TACR3: variants seen among roughly 807,000 people sequenced by gnomAD.
TACR3 encodes the protein tachykinin receptor 3, also known as neuromedin-K receptor.
Under a neutral mutation model 35.0 loss-of-function variants are expected in TACR3, and 34 were observed. The ratio of observed to expected loss-of-function variants is 0.97; its 90% CI spans 0.74 to 1.30. The LOEUF (loss-of-function observed/expected upper bound fraction) is 1.30, where lower values mean the gene tolerates loss of function less well. Ranked by LOEUF, TACR3 falls within the 50% of genes most tolerant of loss-of-function variation. The pLI is 0.00. For synonymous variants in TACR3, 233 were observed against 221.1 expected (o/e 1.05, Z -0.48); for missense variants, 558 against 591.7 (o/e 0.94, Z 0.59).
At chr4:103,621,608 G>A (rs1724783702) in intron 3 of TACR3, among the ~76,000 whole-genome samples, 1 of 152,136 alleles carries the variant, frequency 6.6e-6, no homozygotes, top group Non-Finnish European at 1.5e-5. Context: ...TAATTTGAAG[G>A]TCCTTGTCAT....
chr4:103,593,503 G>T (rs1406826426), intron 3 of TACR3: 1 of 152,102 alleles, frequency 6.6e-6, no homozygotes, highest in Non-Finnish European at 1.5e-5. Flanking sequence ...TTGTAATAAA[G>T]AATGACTCAA....
At chr4:103,672,951 T>C (rs948881059) in intron 1 of TACR3, among the ~76,000 whole-genome samples, 2 of 152,232 alleles carry the variant, frequency 1.3e-5, no homozygotes, top group Non-Finnish European at 2.9e-5. Context: ...TGCACTTTTA[T>C]GTTATGGAGA....
chr4:103,615,702 T>C (rs1724641600), intron 3 of TACR3, among the ~76,000 whole-genome samples: 1 of 152,110 alleles, frequency 6.6e-6, no homozygotes, highest in Admixed American at 6.5e-5. Context: ...TAAAACTTAA[T>C]AAAATATGTT....
intron 1 of TACR3, among the ~76,000 whole-genome samples, chr4:103,688,092 C>A (rs1340633929): frequency 1.3e-5 from 2 of 152,134 alleles, no homozygotes; most frequent in East Asian, 3.9e-4. Context: ...GAAATAATGC[C>A]GCATATCTAC....
intron 3 of TACR3, among the ~76,000 whole-genome samples, chr4:103,617,497 G>A (rs978604205): frequency 1.3e-5 from 2 of 151,974 alleles, no homozygotes; most frequent in Non-Finnish European, 2.9e-5. Context: ...ATTACTAGAA[G>A]AAAAAAATTA....
intron 1 of TACR3, among the ~76,000 whole-genome samples, chr4:103,673,356 C>G (rs1726092561): frequency 6.6e-6 from 1 of 152,158 alleles, no homozygotes; most frequent in African/African-American, 2.4e-5. Flanking sequence ...GACATTGTGA[C>G]TCTTTCATTT....
In TACR3 at chr4:103,589,914, G is replaced by GTC; in HGVS notation, c.1164_1165dup (p.Thr389ArgfsTer16). On this transcript the variant is annotated frameshift_variant, in exon 5 of 5. Coordinates refer to ENST00000304883, the MANE Select transcript of TACR3 (RefSeq NM_001059.3). LOFTEE classifies it low-confidence loss of function (END_TRUNC). Reference sequence around the variant, plus strand: ...TTGCCGGTTTGGATGAAACCTGGTGGTCTTGAGCTCTAGCTCATCATAGCT... The same window carrying GTC: ...TTGCCGGTTTGGATGAAACCTGGTGGTCTCTTGAGCTCTAGCTCATCATAGCT... The GTC allele has an allele frequency of 1.2e-6, 2 of 1,614,000 alleles. No homozygotes were observed. The highest frequency in any genetic ancestry group is 2.2e-5 in the South Asian group (2 of 91,090).
intron 1 of TACR3, among the ~76,000 whole-genome samples, chr4:103,714,606 TTCA>T (rs1192090460): frequency 1.1e-4 from 17 of 152,272 alleles, no homozygotes; most frequent in African/African-American, 4.1e-4. Context: ...GGCTAAAAAG[TTCA>T]TCATTTGCGG....
chr4:103,597,931 A>G (rs1432856900), intron 3 of TACR3, among the ~76,000 whole-genome samples: 1 of 152,182 alleles, frequency 6.6e-6, no homozygotes, highest in African/African-American at 2.4e-5. Context: ...ATGTGTCTTT[A>G]TAACAGCATG....
chr4:103,621,202 C>T (rs972908693), intron 3 of TACR3, among the ~76,000 whole-genome samples: 5 of 152,136 alleles, frequency 3.3e-5, no homozygotes, highest in African/African-American at 9.7e-5. Flanking sequence ...AATTGAAAAG[C>T]AGTGGGGGAA....
At chr4:103,603,125 C>T (rs528055961) in intron 3 of TACR3, among the ~76,000 whole-genome samples, 7 of 152,326 alleles carry the variant, frequency 4.6e-5, no homozygotes, top group African/African-American at 1.7e-4. Context: ...CTCGCTGCCA[C>T]CTTGCAGTTT....
At chr4:103,598,531 G>T (rs1317066602) in intron 3 of TACR3, among the ~76,000 whole-genome samples, 1 of 152,094 alleles carries the variant, frequency 6.6e-6, no homozygotes, top group Non-Finnish European at 1.5e-5. Flanking sequence ...CCTTGCCCAT[G>T]CCTATGTACT....
At chr4:103,713,358 G>T (rs143936760) in intron 1 of TACR3, among the ~76,000 whole-genome samples, 17,643 of 150,864 alleles carry the variant, frequency 0.12, 1,339 homozygotes, top group East Asian at 0.37. Flanking sequence ...CATTCTCAGC[G>T]AACTATTGCA....
intron 3 of TACR3, among the ~76,000 whole-genome samples, chr4:103,593,938 C>A (rs192812722): frequency 6.6e-6 from 1 of 152,070 alleles, no homozygotes; most frequent in Non-Finnish European, 1.5e-5. Flanking sequence ...GGCACCTAGA[C>A]TGGACTTCAT....
intron 3 of TACR3, among the ~76,000 whole-genome samples, chr4:103,652,244 G>A (rs1418860377): frequency 6.6e-6 from 1 of 152,140 alleles, no homozygotes; most frequent in Non-Finnish European, 1.5e-5. Context: ...CTGTGGTGAG[G>A]CGTGGGAGAA....
At chr4:103,612,798 C>T (rs1025459973) in intron 3 of TACR3, among the ~76,000 whole-genome samples, 4 of 151,064 alleles carry the variant, frequency 2.6e-5, no homozygotes, top group Non-Finnish European at 4.4e-5. Context: ...GCGTGAGCCA[C>T]AGAGCCTGGC....
intron 1 of TACR3, among the ~76,000 whole-genome samples, chr4:103,672,301 C>G (rs1006122377): frequency 1.3e-5 from 2 of 152,028 alleles, no homozygotes. Flanking sequence ...TTTACTTTTC[C>G]CAGATCCATC....
At chr4:103,691,034 G>C (rs1722391450) in intron 1 of TACR3, among the ~76,000 whole-genome samples, 1 of 152,122 alleles carries the variant, frequency 6.6e-6, no homozygotes, top group South Asian at 2.1e-4. Context: ...TTGCTGTTAT[G>C]AATACAAAAT....
intron 1 of TACR3, among the ~76,000 whole-genome samples, chr4:103,690,741 A>T (rs937926851): frequency 6.6e-6 from 1 of 152,154 alleles, no homozygotes; most frequent in Non-Finnish European, 1.5e-5. Flanking sequence ...AATAAGTATC[A>T]ACATTTTTAA....
Sources: gnomAD v4.1 joint callset for allele counts (sites outside exome capture counted in the v4.1 genomes callset) on GRCh38, gnomAD v4.1.1 for gene constraint, MANE v1.5 for transcripts, NCBI Gene and HGNC (gene_info 2026-07-23, HGNC 2026-07-21) for gene names.